TET3: variants seen among roughly 807,000 people sequenced by gnomAD.
TET3 encodes the protein methylcytosine dioxygenase TET3.
A neutral mutation model predicts 141.4 loss-of-function variants in TET3; 19 were observed. The observed-to-expected ratio is 0.13, with a 90% CI of 0.09 to 0.20. TET3 has a LOEUF of 0.20. Ranked by LOEUF, TET3 falls within the 10% of genes least tolerant of loss-of-function variation. TET3 has a pLI of 1.00. For synonymous variants in TET3, 1,043 were observed against 980.9 expected, an observed-to-expected ratio of 1.06 and a Z score of -1.18; for missense variants, 1,874 against 2,356.9, an observed-to-expected ratio of 0.80 and a Z score of 4.24.
intron 3 of TET3, 52 bp downstream of exon 3, chr2:74,003,218 G>T (rs888701721): frequency 6.5e-7 from 1 of 1,546,580 alleles, no homozygotes; most frequent in Non-Finnish European, 8.7e-7. Flanking sequence ...TGGCGGTGAA[G>T]TGTTTGACCG....
intron 2 of TET3, 85 bp from the exon 3 acceptor site, chr2:74,003,025 G>A: frequency 1.4e-6 from 2 of 1,472,066 alleles, no homozygotes; most frequent in Admixed American, 2.0e-5. Flanking sequence ...CTTCCCCTCC[G>A]GCCGGGCTGG....
At chr2:74,028,008 A>T (rs1275659493) in intron 3 of TET3, among the ~76,000 whole-genome samples, 1 of 151,164 alleles carries the variant, frequency 6.6e-6, no homozygotes, top group Non-Finnish European at 1.5e-5. Context: ...TTTAAGAGGC[A>T]GGGTCTTACT....
chr2:74,003,885 A>AG (rs1224615420), intron 3 of TET3, among the ~76,000 whole-genome samples: 2 of 150,660 alleles, frequency 1.3e-5, no homozygotes, highest in Admixed American at 6.6e-5. Context: ...GAGACAGGGG[A>AG]GGGGAGAGTC....
intron 3 of TET3, among the ~76,000 whole-genome samples, chr2:74,019,502 G>A (rs1282567068): frequency 1.3e-5 from 2 of 152,104 alleles, no homozygotes; most frequent in Non-Finnish European, 2.9e-5. Flanking sequence ...CTGTACCTCC[G>A]TGGCAATACT....
chr2:74,122,777 C>T, the TET3 span, among the ~76,000 whole-genome samples: 9 of 137,840 alleles, frequency 6.5e-5, no homozygotes, highest in African/African-American at 1.1e-4. Context: ...CCAGGATGGT[C>T]TTGATCTCCT....
intron 3 of TET3, among the ~76,000 whole-genome samples, chr2:74,034,430 C>T (rs955695278): frequency 6.6e-6 from 1 of 152,020 alleles, no homozygotes; most frequent in African/African-American, 2.4e-5. Flanking sequence ...CCAGAGGTAA[C>T]CATTACCTTG....
intron 3 of TET3, among the ~76,000 whole-genome samples, chr2:74,017,511 C>T (rs1476806849): frequency 6.6e-6 from 1 of 152,166 alleles, no homozygotes; most frequent in Non-Finnish European, 1.5e-5. Context: ...CTGTCCCTGG[C>T]TTATTTCACT....
Position 74,107,335 on chromosome 2 carries a change from G to A in TET3, c.*5159G>A, listed in dbSNP as rs828867. On this transcript the variant is annotated 3_prime_UTR_variant, in exon 12 of 12. Coordinates refer to ENST00000409262, the MANE Select transcript of TET3 (RefSeq NM_001287491.2). ...GCTTTTTGCCTAAGAATCAGCGAGC[G>A]ATTTGGCCTACTTCCTCATTGGCTT... 68,529 of 152,170 alleles carry A rather than the reference G, an allele frequency of 0.45. 17,149 individuals are homozygous for A. The highest frequency in any genetic ancestry group is 0.54 in the Non-Finnish European group (36,767 of 67,976). The allele number at this position is 152,170 out of a possible 1,614,324, so 9.4% of individuals were successfully genotyped here. A position where few individuals can be genotyped will look rare whatever the true frequency, so the allele number is the denominator to read the frequency against.
chr2:73,988,990 G>GTTTTTTTTTT (rs1437398059), intron 2 of TET3, among the ~76,000 whole-genome samples: 2 of 106,304 alleles, frequency 1.9e-5, no homozygotes, highest in African/African-American at 3.7e-5. Flanking sequence ...AAAAAAAAAA[G>GTTTTTTTTTT]TTTTTTTTGT....
chr2:74,005,164 C>T (rs970364698), intron 3 of TET3, among the ~76,000 whole-genome samples: 1 of 152,172 alleles, frequency 6.6e-6, no homozygotes, highest in Non-Finnish European at 1.5e-5. Flanking sequence ...GCCTGCTGGC[C>T]CCAGATAGAG....
chr2:74,091,459 C>G (rs1346036268), intron 8 of TET3, among the ~76,000 whole-genome samples: 1 of 152,242 alleles, frequency 6.6e-6, no homozygotes, highest in East Asian at 1.9e-4. Context: ...AGGCAGATGG[C>G]TTCCTTAAGC....
chr2:74,011,646 C>T (rs892011855), intron 3 of TET3, among the ~76,000 whole-genome samples: 7 of 152,228 alleles, frequency 4.6e-5, no homozygotes, highest in African/African-American at 1.4e-4. Flanking sequence ...GTGTCCCAGT[C>T]CCCTATCTTC....
chr2:74,091,710 C>A (rs1249720476), intron 8 of TET3, among the ~76,000 whole-genome samples: 1 of 152,258 alleles, frequency 6.6e-6, no homozygotes, highest in Non-Finnish European at 1.5e-5. Flanking sequence ...GTGCTTGGTT[C>A]TTTTTCTCTT....
chr2:74,112,608 T>A (rs1054865189), downstream of TET3, among the ~76,000 whole-genome samples: 3 of 152,148 alleles, frequency 2.0e-5, no homozygotes, highest in Non-Finnish European at 2.9e-5. Context: ...AAAATTATTT[T>A]AAAAAACAAA....
intron 3 of TET3, among the ~76,000 whole-genome samples, chr2:74,034,206 A>G (rs919828874): frequency 6.6e-6 from 1 of 150,622 alleles, no homozygotes; most frequent in Non-Finnish European, 1.5e-5. Context: ...GTGAAACACA[A>G]TAGAATGAAG....
chr2:74,038,530 T>C (rs933021722), intron 3 of TET3, among the ~76,000 whole-genome samples: 4 of 152,154 alleles, frequency 2.6e-5, no homozygotes, highest in Non-Finnish European at 5.9e-5. Context: ...CACTAGCACC[T>C]TGGGCTTCTC....
At chr2:74,089,799 G>T in intron 7 of TET3, 98 bp from the exon 8 acceptor site, 1 of 1,489,256 alleles carries the variant, frequency 6.7e-7, no homozygotes, top group Non-Finnish European at 9.1e-7. Flanking sequence ...AGGCTGGTGG[G>T]TGCCAGGGCT....
At chr2:74,011,554 A>G (rs12713803) in intron 3 of TET3, among the ~76,000 whole-genome samples, 60,367 of 152,176 alleles carry the variant, frequency 0.4, 15,004 homozygotes, top group African/African-American at 0.7. Context: ...GATAGGGCAC[A>G]GGGTAGGGGC....
At chr2:74,061,192 G>A (rs1196462804) in intron 4 of TET3, among the ~76,000 whole-genome samples, 2 of 147,878 alleles carry the variant, frequency 1.4e-5, no homozygotes, top group African/African-American at 2.5e-5. Flanking sequence ...CCGGGCGGGG[G>A]GCTGACCCCC....
Sources: gnomAD v4.1 joint callset for allele counts (sites outside exome capture counted in the v4.1 genomes callset) on GRCh38, gnomAD v4.1.1 for gene constraint, MANE v1.5 for transcripts, NCBI Gene and HGNC (gene_info 2026-07-23, HGNC 2026-07-21) for gene names.